The following MEIKIN variants were observed in gnomAD, a reference collection of about 807,000 sequenced individuals.
MEIKIN encodes the protein meiosis-specific kinetochore protein.
At chr5:131,831,921 C>T (rs1749722383) in intron 11 of MEIKIN, among the ~76,000 whole-genome samples, 1 of 152,182 alleles carries the variant, frequency 6.6e-6, no homozygotes, top group South Asian at 2.1e-4. Context: ...ATTACCTCCC[C>T]TGGGTCCCTT....
chr5:131,813,427 T>C (rs1773038435), intron 12 of MEIKIN, among the ~76,000 whole-genome samples: 1 of 91,790 alleles, frequency 1.1e-5, no homozygotes, highest in African/African-American at 2.9e-5. Flanking sequence ...TTTAACTATA[T>C]TCTTTTTTTT....
At chr5:131,873,764 T>C (rs532676216) in intron 9 of MEIKIN, among the ~76,000 whole-genome samples, 5 of 152,242 alleles carry the variant, frequency 3.3e-5, no homozygotes, top group African/African-American at 1.2e-4. Context: ...CCTCAGCAAA[T>C]GTAAAAGAAC....
At chr5:131,877,143 T>C (rs1485806745) in intron 9 of MEIKIN, among the ~76,000 whole-genome samples, 2 of 151,720 alleles carry the variant, frequency 1.3e-5, no homozygotes, top group Non-Finnish European at 2.9e-5. Context: ...AGTTAAAGTA[T>C]AATAATAATA....
chr5:131,925,178 T>C (rs1751567749), intron 5 of MEIKIN, among the ~76,000 whole-genome samples: 1 of 152,220 alleles, frequency 6.6e-6, no homozygotes. Flanking sequence ...CTGTTTGAAT[T>C]ACTATAGCAT....
chr5:131,828,160 A>G (rs1184789558), intron 11 of MEIKIN, among the ~76,000 whole-genome samples: 2 of 152,144 alleles, frequency 1.3e-5, no homozygotes, highest in Non-Finnish European at 2.9e-5. Flanking sequence ...GTTTAATATA[A>G]GATTTGTTTT....
chr5:131,807,039 G>C lies in MEIKIN; in HGVS notation c.*197C>G. 2.7e-6 allele frequency: 1 copy of C among 377,164 alleles called. No homozygotes were observed. 23.4% of individuals were successfully genotyped at this position (377,164 alleles called of 1,614,324 possible). The stretch of plus-strand genomic sequence containing the variant: ...AATACATATATTTAAGAAGCATATG[G>C]AATAATTTTTTTTCTTAACTGATTA... On this transcript the variant is annotated 3_prime_UTR_variant, in exon 13 of 13. Transcript: ENST00000442687.
chr5:131,883,078 G>A (rs1246490859), intron 8 of MEIKIN, among the ~76,000 whole-genome samples: 1 of 151,934 alleles, frequency 6.6e-6, no homozygotes, highest in African/African-American at 2.4e-5. Context: ...TGTAACATTT[G>A]TTCTATTAGG....
At chr5:131,901,729 T>C (rs73259949) in intron 8 of MEIKIN, among the ~76,000 whole-genome samples, 270 of 152,188 alleles carry the variant, frequency 1.8e-3, no homozygotes, top group African/African-American at 6.2e-3. Flanking sequence ...GGTCCTGAGC[T>C]GAGCCTTGGC....
Position 131,921,802 on chromosome 5 carries a change from C to T in MEIKIN, c.598+20G>A, listed in dbSNP as rs1156783843. The T allele has an allele frequency of 7.5e-6, 3 of 398,758 alleles. No homozygotes were observed. The highest frequency in any genetic ancestry group is 1.3e-5 in the Non-Finnish European group (3 of 225,976). The allele number at this position is 398,758 out of a possible 1,614,324, so 24.7% of individuals were successfully genotyped here. On this transcript the variant is annotated intron_variant, in intron 6 of 12. Coordinates refer to ENST00000442687, the MANE Select transcript of MEIKIN (RefSeq NM_001303622.2). ...TTTTCCAACATAGATGAGAAATGTT[C>T]CCCTGTGTGTGCAACTCACTGAAAA...
chr5:131,809,375 A>AT (rs1355820151), intron 12 of MEIKIN, among the ~76,000 whole-genome samples: 1 of 152,108 alleles, frequency 6.6e-6, no homozygotes, highest in East Asian at 1.9e-4. Flanking sequence ...TCATCTCTTT[A>AT]TTTTCACTAG....
At chr5:131,826,592 G>C (rs1186984059) in intron 11 of MEIKIN, among the ~76,000 whole-genome samples, 1 of 152,108 alleles carries the variant, frequency 6.6e-6, no homozygotes, top group Non-Finnish European at 1.5e-5. Context: ...ATCTCATCTT[G>C]AATTATAACC....
chr5:131,931,417 T>C lies in MEIKIN; in HGVS notation c.478+2096A>G, dbSNP rs1751692781. Reference sequence around the variant, plus strand: ...TCCTAGACCAAATTGTCATCTTTGTTCTCAGCAGTCACCAATCACCTTGGG... The same window carrying C: ...TCCTAGACCAAATTGTCATCTTTGTCCTCAGCAGTCACCAATCACCTTGGG... On this transcript the variant is annotated intron_variant, in intron 5 of 12. Transcript: ENST00000442687. Among the ~76,000 whole-genome samples the C allele has an allele frequency of 2.0e-5, 3 of 152,312 alleles. No homozygotes were observed. The South Asian group carries it at 6.2e-4, about 32-fold the overall frequency.
At chr5:131,914,522 A>AGGGAG (rs139805064) in intron 7 of MEIKIN, among the ~76,000 whole-genome samples, 1 of 117,722 alleles carries the variant, frequency 8.5e-6, no homozygotes, top group Non-Finnish European at 1.7e-5. Context: ...AGAAAAAGGA[A>AGGGAG]GGGAGGGGAG....
intron 8 of MEIKIN, among the ~76,000 whole-genome samples, chr5:131,906,318 C>T (rs914563348): frequency 1.7e-4 from 26 of 152,228 alleles, no homozygotes; most frequent in African/African-American, 6.0e-4. Context: ...CACAATGATA[C>T]CATCTCACAC....
At chr5:131,907,749 G>A (rs991813487) in intron 8 of MEIKIN, among the ~76,000 whole-genome samples, 7 of 151,980 alleles carry the variant, frequency 4.6e-5, no homozygotes, top group Admixed American at 4.6e-4. Flanking sequence ...GCATGCGCCT[G>A]TAATCCCAGC....
chr5:131,813,077 T>G (rs1773026266), intron 12 of MEIKIN, among the ~76,000 whole-genome samples: 1 of 152,216 alleles, frequency 6.6e-6, no homozygotes, highest in Non-Finnish European at 1.5e-5. Context: ...AAATTGAGCT[T>G]GAGCAGGCCC....
intron 11 of MEIKIN, among the ~76,000 whole-genome samples, chr5:131,845,272 T>TAAAAAAAAAAAAAAAAAAAAAAAAA (rs1158220526): frequency 6.6e-5 from 3 of 45,358 alleles, no homozygotes; most frequent in African/African-American, 1.4e-4. Context: ...GACTTCGTCT[T>TAAAAAAAAAAAAAAAAAAAAAAAAA]AAAAAAAAAA....
chr5:131,889,091 C>T (rs373877787), intron 8 of MEIKIN, among the ~76,000 whole-genome samples: 1 of 152,106 alleles, frequency 6.6e-6, no homozygotes, highest in Non-Finnish European at 1.5e-5. Flanking sequence ...GGTACCAGTA[C>T]CATGCTGTTT....
intron 8 of MEIKIN, among the ~76,000 whole-genome samples, chr5:131,901,769 A>T (rs1461629823): frequency 1.3e-5 from 2 of 152,140 alleles, no homozygotes; most frequent in Non-Finnish European, 2.9e-5. Flanking sequence ...AAACAAAACC[A>T]GTTGACTGAA....
Sources: allele counts gnomAD v4.1 joint callset (sites outside exome capture counted in the v4.1 genomes callset), GRCh38; gene constraint gnomAD v4.1.1; transcripts MANE v1.5; gene names NCBI Gene and HGNC (gene_info 2026-07-23, HGNC 2026-07-21).